Variants in DYNC2H1 observed in about 807,000 individuals in gnomAD.
The protein encoded by DYNC2H1 is cytoplasmic dynein 2 heavy chain 1.
Under a neutral mutation model 570.0 loss-of-function variants are expected in DYNC2H1, and 410 were observed. That is an observed-to-expected ratio of 0.72 (90% CI 0.66 to 0.78). The LOEUF is 0.78. Among genes scored for constraint, DYNC2H1 ranks in the 30% least tolerant of loss-of-function variants. The probability of loss-of-function intolerance (pLI) is 0.00; values close to 1 mark genes in which losing one functional copy is unlikely to be tolerated. For missense variants in DYNC2H1, 4,865 were observed against 5,046.4 expected, an observed-to-expected ratio of 0.96 and a Z score of 1.09; for synonymous variants, 1,688 against 1,677.6, an observed-to-expected ratio of 1.01 and a Z score of -0.15.
At chr11:103,399,395 C>T (rs1156256494) in intron 83 of DYNC2H1, among the ~76,000 whole-genome samples, 1 of 149,516 alleles carries the variant, frequency 6.7e-6, no homozygotes, top group Non-Finnish European at 1.5e-5. Context: ...ACCTCAAATG[C>T]TCCACCTGCG....
intron 82 of DYNC2H1, among the ~76,000 whole-genome samples, chr11:103,327,592 A>G (rs539907953): frequency 5.9e-5 from 9 of 152,204 alleles, no homozygotes; most frequent in Admixed American, 5.2e-4. Flanking sequence ...CTGATTTAGC[A>G]TAGTTTGGAT....
intron 13 of DYNC2H1, among the ~76,000 whole-genome samples, chr11:103,132,038 C>A (rs192764752): frequency 6.3e-4 from 95 of 151,968 alleles, no homozygotes; most frequent in South Asian, 6.2e-4. Flanking sequence ...CTCAGTTTTT[C>A]TCTCTTCTTC....
intron 75 of DYNC2H1, among the ~76,000 whole-genome samples, chr11:103,296,317 A>G (rs1273569968): frequency 6.6e-6 from 1 of 152,200 alleles, no homozygotes; most frequent in Non-Finnish European, 1.5e-5. Context: ...CTAAAGACTG[A>G]AGTAGTTGGA....
In DYNC2H1 at chr11:103,199,669, C is replaced by G. The variant is rs1165738184; in HGVS notation, c.8088+193C>G. Among the ~76,000 whole-genome samples the G allele has an allele frequency of 6.6e-6, 1 of 151,988 alleles. No homozygotes were observed. Among genetic ancestry groups the G allele is most frequent in the Non-Finnish European group, 1.5e-5 (1 of 67,980 alleles). Reference sequence around the variant, plus strand: ...TTTTTCCATGATTATTAGAAAATTACATTTTTATCTATAGACAGGAAAGAG... The same window carrying G: ...TTTTTCCATGATTATTAGAAAATTAGATTTTTATCTATAGACAGGAAAGAG... On this transcript the variant is annotated intron_variant, in intron 49 of 88. Coordinates refer to ENST00000375735, the MANE Select transcript of DYNC2H1 (RefSeq NM_001377.3). This position sits in a 1 kb window ranked among gnomAD's most constrained non-coding sequence, Gnocchi z 4.6.
rs1945165428 is a variant in DYNC2H1 at position 103,465,399 on chromosome 11, C to A, written c.12649-3190C>A. 6.6e-6 allele frequency among the ~76,000 whole-genome samples: 1 copy of A among 151,050 alleles called. No homozygotes were observed. The highest frequency in any genetic ancestry group is 1.5e-5 in the Non-Finnish European group (1 of 67,800). On this transcript the variant is annotated intron_variant, in intron 87 of 88. Transcript: ENST00000375735. The surrounding 1 kb of genome is among the most constrained non-coding windows in gnomAD (Gnocchi z 4.9). ...AAATACTTAAAAAATGTCAGACTTT[C>A]CAAAATCAAATTTTAAAATTTAATG...
At chr11:103,416,312 T>A (rs2135703241) in intron 84 of DYNC2H1, among the ~76,000 whole-genome samples, 1 of 151,930 alleles carries the variant, frequency 6.6e-6, no homozygotes, top group East Asian at 1.9e-4. Context: ...TAATAATTAA[T>A]AATAAAAAAG....
chr11:103,189,902 C>A lies in DYNC2H1; in HGVS notation c.7437+86C>A. On this transcript the variant is annotated intron_variant, in intron 45 of 88. Transcript: ENST00000375735. This position sits in a 1 kb window ranked among gnomAD's most constrained non-coding sequence, Gnocchi z 4.3. ...TTTAATTCTGACCTCTGTGTTGACA[C>A]CCAGGCTTTACTTTCCTGTTTATTA... 7.3e-7 allele frequency: 1 copy of A among 1,363,992 alleles called. No individual in the cohort carries two copies. The highest frequency in any genetic ancestry group is 9.8e-7 in the Non-Finnish European group (1 of 1,015,794). 84.5% of individuals were successfully genotyped at this position (1,363,992 alleles called of 1,614,324 possible). A position where few individuals can be genotyped will look rare whatever the true frequency, so the allele number is the denominator to read the frequency against.
Position 103,435,926 on chromosome 11 carries a change from C to T in DYNC2H1, c.12367-17C>T. ...ATCATATACACAAACTTAATTTTGA[C>T]CCTTTTTAAATTGCAGTGTCCTCTC... On this transcript the variant is annotated splice_polypyrimidine_tract_variant and intron_variant, in intron 84 of 88. Coordinates refer to ENST00000375735, the MANE Select transcript of DYNC2H1 (RefSeq NM_001377.3). 1.2e-6 allele frequency: 2 copies of T among 1,610,184 alleles called. No individual in the cohort carries two copies. Among genetic ancestry groups the T allele is most frequent in the South Asian group, 1.1e-5 (1 of 90,468 alleles).
rs537140560 is a variant in DYNC2H1, at chr11:103,430,169, A to AT, written c.12367-5768dup. Among the ~76,000 whole-genome samples, 378 of 152,232 alleles carry AT rather than the reference A, an allele frequency of 2.5e-3. 1 individual carries two copies. Among genetic ancestry groups the AT allele is most frequent in the Non-Finnish European group, 4.4e-3 (297 of 67,996 alleles). ...GGGAGGAAAATTCCTACAAGTGGCCATTTTTTAAGGTTCATACAATAAACA... is the reference window on the plus strand; with the variant it reads ...GGGAGGAAAATTCCTACAAGTGGCCATTTTTTTAAGGTTCATACAATAAACA... On this transcript the variant is annotated intron_variant, in intron 84 of 88. Transcript: ENST00000375735.
chr11:103,294,150 C>T (rs1444851561), intron 75 of DYNC2H1, among the ~76,000 whole-genome samples: 3 of 152,180 alleles, frequency 2.0e-5, no homozygotes, highest in African/African-American at 7.2e-5. Flanking sequence ...CTCAAGACAG[C>T]TGTTTTGAAT....
At chr11:103,135,655 C>T in intron 16 of DYNC2H1, 21 bp downstream of exon 16, 1 of 1,607,592 alleles carries the variant, frequency 6.2e-7, no homozygotes, top group Non-Finnish European at 8.5e-7. Flanking sequence ...TTTTCAACCC[C>T]AATTTAATGT....
chr11:103,312,619 A>G (rs142847677), intron 79 of DYNC2H1, among the ~76,000 whole-genome samples: 56 of 151,546 alleles, frequency 3.7e-4, no homozygotes, highest in African/African-American at 1.3e-3. Flanking sequence ...ATATTTACAT[A>G]GTAATTTGGC....
At chr11:103,309,590 GCAAAGATGATTTAA>G (rs1422706860) in intron 78 of DYNC2H1, among the ~76,000 whole-genome samples, 1 of 151,146 alleles carries the variant, frequency 6.6e-6, no homozygotes, top group Non-Finnish European at 1.5e-5. Flanking sequence ...ATCCAGAAAT[GCAAAGATGATTTAA>G]TATTAGAAAT....
chr11:103,129,616 G>A lies in DYNC2H1; in HGVS notation c.1953+611G>A, dbSNP rs148641898. Among the ~76,000 whole-genome samples, 61 of 152,146 alleles carry A rather than the reference G, an allele frequency of 4.0e-4. No individual in the cohort carries two copies. Among genetic ancestry groups the A allele is most frequent in the African/African-American group, 1.4e-3 (59 of 41,510 alleles). ...GGAGAATCACTTGAACCCAGGAGGT[G>A]GAGGTTGCAGTGGGTCGAGATCGTG... is the stretch of plus-strand genomic sequence containing the variant. On this transcript the variant is annotated intron_variant, in intron 13 of 88. Transcript: ENST00000375735. This position sits in a 1 kb window ranked among gnomAD's most constrained non-coding sequence, Gnocchi z 4.1.
intron 87 of DYNC2H1, among the ~76,000 whole-genome samples, chr11:103,456,953 C>T (rs1211352993): frequency 1.3e-5 from 2 of 152,196 alleles, no homozygotes; most frequent in African/African-American, 4.8e-5. Flanking sequence ...ACTTGGGTCC[C>T]ATCCCCAAGA....
intron 2 of DYNC2H1, among the ~76,000 whole-genome samples, 162 bp from the exon 3 acceptor site, chr11:103,113,941 C>G (rs573032534): frequency 1.3e-5 from 2 of 152,040 alleles, no homozygotes. Context: ...ACATTAAATG[C>G]TTTTCATAGT....
chr11:103,125,426 T>C, intron 12 of DYNC2H1, 131 bp downstream of exon 12: 1 of 651,158 alleles, frequency 1.5e-6, no homozygotes, highest in Non-Finnish European at 2.4e-6. Context: ...AATTATGTTT[T>C]ACTAAATGAG....
chr11:103,170,907 G>T lies in DYNC2H1; in HGVS notation c.5173G>T (p.Gly1725Ter). The T allele has an allele frequency of 1.3e-6, 2 of 1,569,810 alleles. No individual in the cohort carries two copies. Among genetic ancestry groups the T allele is most frequent in the South Asian group, 1.2e-5 (1 of 83,640 alleles). Reference protein sequence around the residue: ...CDEGIDVKSMGRIFVGLVKCG... With the variant: ...CDEGIDVKSM ...TAAGGGCATCGATGTGAAGTCAATG[G>T]GACGAATATTTGTTGGTTTGGTGAA... is the stretch of plus-strand genomic sequence containing the variant. The change falls in exon 34 of 89, where the codon GGA (glycine) becomes TGA (stop). Residue 1725 changes from glycine to a stop codon, truncating the protein, a stop_gained. Transcript: ENST00000375735. LOFTEE classifies it high-confidence loss of function. The surrounding 1 kb of genome is among the most constrained non-coding windows in gnomAD (Gnocchi z 4.8).
intron 82 of DYNC2H1, among the ~76,000 whole-genome samples, chr11:103,354,172 G>A (rs1472827723): frequency 8.7e-6 from 1 of 114,778 alleles, no homozygotes. Context: ...GCCAGGCTCT[G>A]TCTCAAAACA....
Sources: allele counts gnomAD v4.1 joint callset (sites outside exome capture counted in the v4.1 genomes callset), GRCh38; gene constraint gnomAD v4.1.1; non-coding constraint Gnocchi (gnomAD v3.1); transcripts MANE v1.5; gene names NCBI Gene and HGNC (gene_info 2026-07-23, HGNC 2026-07-21).